The following PTK2 variants were observed in gnomAD, a reference collection of about 807,000 sequenced individuals.
PTK2 encodes the protein focal adhesion kinase 1.
Under a neutral mutation model 150.1 loss-of-function variants are expected in PTK2, and 45 were observed. The observed-to-expected ratio is 0.30, with a 90% CI of 0.24 to 0.38. PTK2 has a LOEUF of 0.38. Ranked by LOEUF, PTK2 falls within the 10% of genes least tolerant of loss-of-function variation. The pLI, the probability that PTK2 is intolerant of heterozygous loss-of-function variation, is 1.00. For synonymous variants in PTK2, 432 were observed against 449.2 expected (o/e 0.96, Z 0.48); for missense variants, 919 against 1,307.3 (o/e 0.70, Z 4.58).
chr8:140,912,085 AT>A (rs1428878399), intron 2 of PTK2, among the ~76,000 whole-genome samples: 1 of 152,028 alleles, frequency 6.6e-6, no homozygotes, highest in Non-Finnish European at 1.5e-5. Context: ...AATAACCAAA[AT>A]TTTAAAATTA....
intron 12 of PTK2, among the ~76,000 whole-genome samples, chr8:140,797,627 G>GA (rs2100092508): frequency 1.3e-5 from 2 of 151,966 alleles, no homozygotes. Flanking sequence ...ACTTTCCTCT[G>GA]AAAAAATGTT....
intron 14 of PTK2, 43 bp downstream of exon 14, chr8:140,789,431 C>G: frequency 6.3e-7 from 1 of 1,597,868 alleles, no homozygotes; most frequent in Non-Finnish European, 8.6e-7. Context: ...TCGTCTTACC[C>G]CATGAGAGTG....
At chr8:140,676,384 T>A (rs1431822606) in intron 27 of PTK2, among the ~76,000 whole-genome samples, 2 of 65,008 alleles carry the variant, frequency 3.1e-5, no homozygotes, top group Non-Finnish European at 4.1e-5. Context: ...TCAAAAAAAT[T>A]AATTAATTAA....
chr8:140,801,814 G>T (rs1225318249), intron 11 of PTK2, among the ~76,000 whole-genome samples: 1 of 151,992 alleles, frequency 6.6e-6, no homozygotes, highest in Non-Finnish European at 1.5e-5. Context: ...CAACATTTTG[G>T]TCAATGATGG....
intron 3 of PTK2, among the ~76,000 whole-genome samples, chr8:140,887,347 A>G (rs1230603046): frequency 1.3e-5 from 2 of 152,210 alleles, no homozygotes; most frequent in Non-Finnish European, 2.9e-5. Context: ...AGATCTCCAG[A>G]TCACTTCAAT....
intron 5 of PTK2, among the ~76,000 whole-genome samples, chr8:140,852,336 C>T (rs2100129812): frequency 6.6e-6 from 1 of 152,156 alleles, no homozygotes; most frequent in Non-Finnish European, 1.5e-5. Flanking sequence ...ACTAATAAAG[C>T]AACAGGGATT....
At chr8:140,663,128 G>C (rs2083220295) in intron 31 of PTK2, 1 of 192,032 alleles carries the variant, frequency 5.2e-6, no homozygotes, top group African/African-American at 2.3e-5. Flanking sequence ...GGTTATGTAG[G>C]ACAATGGCCT....
At chr8:140,841,422 C>T (rs2100122289) in intron 7 of PTK2, among the ~76,000 whole-genome samples, 1 of 151,962 alleles carries the variant, frequency 6.6e-6, no homozygotes. Flanking sequence ...GTCATTAAGC[C>T]AAAAGTTAAT....
At chr8:140,992,293 G>GGAAAA (rs1555509839) in intron 1 of PTK2, among the ~76,000 whole-genome samples, 1 of 120,610 alleles carries the variant, frequency 8.3e-6, no homozygotes. Context: ...CTTCATCTCG[G>GGAAAA]AAAAAAAAAA....
At chr8:140,884,512 CCTG>C (rs1400782992) in intron 3 of PTK2, among the ~76,000 whole-genome samples, 1 of 152,148 alleles carries the variant, frequency 6.6e-6, no homozygotes, top group African/African-American at 2.4e-5. Context: ...CATACATTCA[CCTG>C]CTCCTCTGTC....
chr8:140,869,478 C>T (rs1339238541), intron 4 of PTK2, among the ~76,000 whole-genome samples: 28 of 152,126 alleles, frequency 1.8e-4, no homozygotes, highest in Admixed American at 1.8e-3. Context: ...TGTGACTGAT[C>T]AGCACAGCTT....
Position 140,702,595 on chromosome 8 carries a change from A to G in PTK2, c.2342T>C (p.Ile781Thr), listed in dbSNP as rs764077150. ...CTCCACATTGGGCTGCCACATTGCT[A>G]TCTCCTGAGGTCTATGATTCCATGA... Residue 781 changes from isoleucine (I) to threonine (T), a missense_variant, in exon 25 of 32, where the codon ATA (isoleucine) becomes ACA (threonine). Physicochemically the swap from Ile to Thr is moderately conservative, Grantham distance 89. Transcript: ENST00000522684. 6 of 1,613,604 alleles carry G rather than the reference A, an allele frequency of 3.7e-6. No individual in the cohort carries two copies. Among genetic ancestry groups the G allele is most frequent in the South Asian group, 2.2e-5 (2 of 90,910 alleles).
chr8:140,950,259 G>A (rs556397696), intron 1 of PTK2, among the ~76,000 whole-genome samples: 7 of 152,316 alleles, frequency 4.6e-5, no homozygotes, highest in Middle Eastern at 3.4e-3. Flanking sequence ...CATGTTGTGA[G>A]CAACGAGCAG....
intron 8 of PTK2, among the ~76,000 whole-genome samples, chr8:140,825,412 A>G (rs2100111234): frequency 6.6e-6 from 1 of 152,244 alleles, no homozygotes; most frequent in Admixed American, 6.5e-5. Flanking sequence ...TTCTCCAAGA[A>G]TAAAATCATG....
At chr8:140,663,489 T>C (rs1287170234) in intron 31 of PTK2, among the ~76,000 whole-genome samples, 1 of 152,198 alleles carries the variant, frequency 6.6e-6, no homozygotes, top group African/African-American at 2.4e-5. Context: ...GACTCTGTAG[T>C]GGGGACGCAT....
Position 140,978,811 on chromosome 8 carries a change from CAT to C in PTK2, c.-122+22312_-122+22313del, listed in dbSNP as rs569688939. On this transcript the variant is annotated intron_variant, in intron 1 of 31. Transcript: ENST00000522684. ...ATGCTGCTATAAAGACACATGCACA[CAT>C]GTTTATTGCGGCACTATTCACAACA... Among the ~76,000 whole-genome samples the C allele has an allele frequency of 1.9e-4, 29 of 151,000 alleles. No homozygotes were observed. In the East Asian group the frequency reaches 3.9e-3, roughly 20 times the overall value.
chr8:140,659,331 CA>C (rs1225450126), exon 32 of PTK2: 4 of 663,652 alleles, frequency 6.0e-6, no homozygotes, highest in African/African-American at 5.5e-5. Flanking sequence ...AAAGATTTTT[CA>C]ACCAGATGGT....
intron 1 of PTK2, among the ~76,000 whole-genome samples, chr8:140,975,443 C>G (rs1480156793): frequency 6.6e-6 from 1 of 152,186 alleles, no homozygotes; most frequent in Non-Finnish European, 1.5e-5. Flanking sequence ...CACAAAACCC[C>G]AGCCTCTCAC....
intron 1 of PTK2, among the ~76,000 whole-genome samples, chr8:140,957,876 T>C (rs1318544984): frequency 1.3e-5 from 2 of 152,196 alleles, no homozygotes; most frequent in South Asian, 2.1e-4. Context: ...ATGACATTTG[T>C]ACAATGAAAT....
Sources: gnomAD v4.1 joint callset for allele counts (sites outside exome capture counted in the v4.1 genomes callset) on GRCh38, gnomAD v4.1.1 for gene constraint, MANE v1.5 for transcripts, NCBI Gene and HGNC (gene_info 2026-07-23, HGNC 2026-07-21) for gene names.